Variants in SNX29 observed in about 807,000 individuals in gnomAD.
SNX29 encodes sorting nexin 29, also known as sorting nexin-29.
SNX29 carries 78 observed loss-of-function variants against 102.1 expected under a neutral mutation model. That is an observed-to-expected ratio of 0.76 (90% CI 0.64 to 0.92). SNX29 has a LOEUF of 0.92. Among genes scored for constraint, SNX29 ranks in the 40% least tolerant of loss-of-function variants. The probability of loss-of-function intolerance (pLI) is 0.00; values close to 1 mark genes in which losing one functional copy is unlikely to be tolerated. For synonymous variants in SNX29, 580 were observed against 414.5 expected (o/e 1.40, Z -4.85); for missense variants, 1,280 against 1,061.7 (o/e 1.21, Z -2.86).
chr16:12,344,615 T>C (rs965629206), intron 15 of SNX29, among the ~76,000 whole-genome samples: 8 of 152,234 alleles, frequency 5.3e-5, no homozygotes, highest in Non-Finnish European at 7.3e-5. Flanking sequence ...ACAGGCCTTG[T>C]ATGGATAAGT....
chr16:12,198,394 T>G (rs574015735), intron 13 of SNX29, among the ~76,000 whole-genome samples: 19 of 152,118 alleles, frequency 1.2e-4, no homozygotes, highest in Non-Finnish European at 2.4e-4. Flanking sequence ...GGTATTGGGG[T>G]CTTACCATGT....
At chr16:12,500,082 C>T (rs1377864121) in intron 19 of SNX29, among the ~76,000 whole-genome samples, 1 of 152,172 alleles carries the variant, frequency 6.6e-6, no homozygotes, top group African/African-American at 2.4e-5. Flanking sequence ...GCCTCAAACT[C>T]CTGGGCTTAA....
intron 13 of SNX29, among the ~76,000 whole-genome samples, chr16:12,129,991 C>T (rs375117461): frequency 1.3e-5 from 2 of 151,110 alleles, no homozygotes; most frequent in East Asian, 3.9e-4. Flanking sequence ...GTAGTCCCAG[C>T]TACTTGGGAG....
chr16:12,073,819 C>G (rs1466347035), intron 10 of SNX29, among the ~76,000 whole-genome samples: 1 of 151,902 alleles, frequency 6.6e-6, no homozygotes, highest in Non-Finnish European at 1.5e-5. Context: ...CTTTGTAGGT[C>G]ACTCAGGACT....
At position 12,574,000 on chromosome 16, in the gene SNX29, C is replaced by A. The variant is rs994132542; in HGVS notation, c.*5371C>A. ...GCGCCCATGATCGGCTCCCAGTGCA[C>A]CCCCTTAAGGGTAAGCAGGCCACAT... On this transcript the variant is annotated 3_prime_UTR_variant, in exon 21 of 21. Transcript: ENST00000566228. 2.5e-5 allele frequency: 5 copies of A among 197,922 alleles called. No individual in the cohort carries two copies. The highest frequency in any genetic ancestry group is 4.2e-5 in the Non-Finnish European group (4 of 95,696). The allele number at this position is 197,922 out of a possible 1,614,324, so 12.3% of individuals were successfully genotyped here.
In SNX29 at chr16:12,541,209, T is replaced by C. The variant is rs183643909; in HGVS notation, c.2318+16368T>C. 7.2e-5 allele frequency among the ~76,000 whole-genome samples: 11 copies of C among 152,248 alleles called. No homozygotes were observed. In the East Asian group the frequency reaches 2.1e-3, roughly 29 times the overall value. ...GTCTATCCTGAAGTATTATGGAATA[T>C]TGGTGCATGGAGAGAAGGACTATGG... On this transcript the variant is annotated intron_variant, in intron 20 of 20. Transcript: ENST00000566228.
intron 16 of SNX29, among the ~76,000 whole-genome samples, chr16:12,380,985 C>A (rs2083097753): frequency 7.6e-6 from 1 of 130,874 alleles, no homozygotes. Context: ...CACCATCCAT[C>A]CATCCACCCA....
At chr16:12,470,964 G>A (rs1284440819) in intron 18 of SNX29, among the ~76,000 whole-genome samples, 1 of 152,172 alleles carries the variant, frequency 6.6e-6, no homozygotes, top group African/African-American at 2.4e-5. Flanking sequence ...GAGTCTCAAT[G>A]TGGGGTGTCA....
At chr16:12,283,992 G>C (rs1330705646) in intron 15 of SNX29, among the ~76,000 whole-genome samples, 6 of 152,160 alleles carry the variant, frequency 3.9e-5, no homozygotes, top group African/African-American at 1.2e-4. Context: ...AACAACCAAG[G>C]TTTTGAAGAT....
intron 14 of SNX29, among the ~76,000 whole-genome samples, chr16:12,260,041 A>C (rs1204988064): frequency 2.0e-5 from 3 of 152,324 alleles, no homozygotes; most frequent in Middle Eastern, 3.4e-3. Context: ...GACAGCTGCC[A>C]CATTGAGGCT....
At chr16:12,544,765 G>T (rs140348963) in intron 20 of SNX29, among the ~76,000 whole-genome samples, 5 of 152,166 alleles carry the variant, frequency 3.3e-5, no homozygotes, top group African/African-American at 9.7e-5. Context: ...GCTCTGGGTC[G>T]CACAGCTGGT....
At chr16:12,293,800 A>G (rs940994427) in intron 15 of SNX29, among the ~76,000 whole-genome samples, 1 of 152,192 alleles carries the variant, frequency 6.6e-6, no homozygotes, top group Non-Finnish European at 1.5e-5. Flanking sequence ...AAAGCTGCAG[A>G]TATCTTTCTC....
In SNX29 at chr16:12,027,660, G is replaced by C. The variant is rs371320334; in HGVS notation, c.247+216G>C. On this transcript the variant is annotated intron_variant, in intron 4 of 20. Transcript: ENST00000566228. Reference sequence around the variant, plus strand: ...AGTCATCTTTTGTGCAGAATTCTCAGAGCCACATGGTACAGTCTCCTCTGG... The same window carrying C: ...AGTCATCTTTTGTGCAGAATTCTCACAGCCACATGGTACAGTCTCCTCTGG... 2.9e-5 allele frequency: 14 copies of C among 486,750 alleles called. No homozygotes were observed. The East Asian group carries it at 4.6e-4, about 16-fold the overall frequency. The allele number at this position is 486,750 out of a possible 1,614,324, so 30.2% of individuals were successfully genotyped here.
chr16:12,379,906 T>C (rs2083011607), intron 16 of SNX29, among the ~76,000 whole-genome samples: 1 of 152,156 alleles, frequency 6.6e-6, no homozygotes, highest in Non-Finnish European at 1.5e-5. Flanking sequence ...TGGGGGCATG[T>C]GTTAACTTTT....
At chr16:12,132,050 T>C (rs989781300) in intron 13 of SNX29, among the ~76,000 whole-genome samples, 6 of 152,120 alleles carry the variant, frequency 3.9e-5, no homozygotes, top group African/African-American at 4.8e-5. Context: ...CTGAAGTCTT[T>C]AGAGGTTCTG....
intron 7 of SNX29, among the ~76,000 whole-genome samples, chr16:12,050,570 C>T (rs745444484): frequency 5.9e-5 from 9 of 152,084 alleles, no homozygotes; most frequent in African/African-American, 1.9e-4. Context: ...TGGGGCAGCT[C>T]GGGTTCTACT....
chr16:12,009,021 C>T (rs1354488894), intron 3 of SNX29, among the ~76,000 whole-genome samples: 1 of 151,994 alleles, frequency 6.6e-6, no homozygotes, highest in African/African-American at 2.4e-5. Flanking sequence ...GGATTACAGG[C>T]ATGAGCCACT....
At chr16:12,335,101 G>A (rs1037270004) in intron 15 of SNX29, among the ~76,000 whole-genome samples, 11 of 151,892 alleles carry the variant, frequency 7.2e-5, no homozygotes, top group African/African-American at 2.4e-4. Flanking sequence ...CAGCAGGGGA[G>A]CAGGACACTT....
intron 20 of SNX29, among the ~76,000 whole-genome samples, chr16:12,528,933 A>C (rs75879064): frequency 2.0e-5 from 3 of 152,336 alleles, no homozygotes; most frequent in East Asian, 3.9e-4. Flanking sequence ...CACAAATATT[A>C]CTTAAAACTT....
Sources: allele counts gnomAD v4.1 joint callset (sites outside exome capture counted in the v4.1 genomes callset), GRCh38; gene constraint gnomAD v4.1.1; transcripts MANE v1.5; gene names NCBI Gene and HGNC (gene_info 2026-07-23, HGNC 2026-07-21).